C1QTNF7: variants seen among roughly 807,000 people sequenced by gnomAD.
The protein encoded by C1QTNF7 is C1q and TNF related 7.
C1QTNF7 carries 15 observed loss-of-function variants against 19.6 expected under a neutral mutation model. The observed-to-expected ratio is 0.76, with a 90% CI of 0.51 to 1.18. The LOEUF (loss-of-function observed/expected upper bound fraction) is 1.18, where lower values mean the gene tolerates loss of function less well. Ranked by LOEUF, C1QTNF7 falls within the 50% of genes most tolerant of loss-of-function variation. The pLI is 0.00. For missense variants in C1QTNF7, 324 were observed against 359.7 expected, an observed-to-expected ratio of 0.90 and a Z score of 0.80; for synonymous variants, 142 against 137.5, an observed-to-expected ratio of 1.03 and a Z score of -0.23.
At chr4:15,390,587 T>C (rs1222135261) in intron 1 of C1QTNF7, among the ~76,000 whole-genome samples, 1 of 152,164 alleles carries the variant, frequency 6.6e-6, no homozygotes, top group African/African-American at 2.4e-5. Context: ...TCTTCAAGAT[T>C]AGGTGGTAAG....
intron 1 of C1QTNF7, among the ~76,000 whole-genome samples, chr4:15,366,195 G>A (rs1717516735): frequency 6.6e-6 from 1 of 152,118 alleles, no homozygotes; most frequent in Non-Finnish European, 1.5e-5. Context: ...AGACTTTTCT[G>A]GTTTTAGCAC....
At chr4:15,423,865 C>G (rs951968035), upstream of C1QTNF7, among the ~76,000 whole-genome samples, 3 of 152,170 alleles carry the variant, frequency 2.0e-5, no homozygotes, top group Non-Finnish European at 4.4e-5. Context: ...GGCAAGTTCT[C>G]TCTTATTTAG....
intron 1 of C1QTNF7, among the ~76,000 whole-genome samples, chr4:15,430,838 G>A (rs1316163192): frequency 1.3e-5 from 2 of 152,098 alleles, no homozygotes; most frequent in East Asian, 1.9e-4. Flanking sequence ...ATTTTTAAAT[G>A]TGAAAAAATG....
rs145375285 is a variant in C1QTNF7, at chr4:15,442,578, C to T, written c.649C>T (p.Arg217Trp). 18 of 1,614,010 alleles carry T rather than the reference C, an allele frequency of 1.1e-5. No homozygotes were observed. Among genetic ancestry groups the T allele is most frequent in the Middle Eastern group, 3.3e-4 (2 of 6,084 alleles). Residue 217 changes from arginine to tryptophan, a missense_variant, in exon 3 of 3, where the codon CGG becomes TGG. Physicochemically the swap from Arg to Trp is moderately radical, Grantham distance 101. Coordinates refer to ENST00000444304, the MANE Select transcript of C1QTNF7 (RefSeq NM_031911.5). ...AIGLVHNGQY[R>W]IKTFDANTGN... ...CGGACTGGTACACAATGGGCAATACCGGATAAAGACCTTCGACGCCAACAC... is the reference window on the plus strand; with the variant it reads ...CGGACTGGTACACAATGGGCAATACTGGATAAAGACCTTCGACGCCAACAC...
At chr4:15,355,673 C>T (rs1020386130) in intron 1 of C1QTNF7, among the ~76,000 whole-genome samples, 1 of 152,066 alleles carries the variant, frequency 6.6e-6, no homozygotes, top group African/African-American at 2.4e-5. Flanking sequence ...GCCCACCAAT[C>T]AGAAAGAGGC....
intron 1 of C1QTNF7, among the ~76,000 whole-genome samples, chr4:15,421,074 C>A (rs531733740): frequency 1.3e-4 from 19 of 151,828 alleles, no homozygotes; most frequent in Admixed American, 4.6e-4. Context: ...ACCCTCCCCA[C>A]AAAATGCCTC....
In C1QTNF7 at chr4:15,348,154, C is replaced by A. The variant is rs1472394011; in HGVS notation, c.13+7947C>A. Among the ~76,000 whole-genome samples the A allele has an allele frequency of 4.6e-5, 7 of 152,122 alleles. No homozygotes were observed. In the East Asian group the frequency reaches 1.3e-3, roughly 29 times the overall value. On this transcript the variant is annotated intron_variant, in intron 1 of 2. Coordinates refer to the C1QTNF7 transcript ENST00000295297. ...CTCTTTGCTATGGGGGATTTCCTCTCCCTGGACAAATTGATATCCAGTGGG... is the reference window on the plus strand; with the variant it reads ...CTCTTTGCTATGGGGGATTTCCTCTACCTGGACAAATTGATATCCAGTGGG...
rs558202432 is a variant in C1QTNF7, at chr4:15,349,407, C to T, written c.13+9200C>T. Among the ~76,000 whole-genome samples, 6 of 152,148 alleles carry T rather than the reference C, an allele frequency of 3.9e-5. No individual in the cohort carries two copies. The East Asian group carries it at 5.8e-4, about 15-fold the overall frequency. The stretch of plus-strand genomic sequence containing the variant: ...TAACCGAAGGGCCTAGCACAGTGCC[C>T]GGGATATAGTAGAAACTGCATAAAT... On this transcript the variant is annotated intron_variant, in intron 1 of 2. Transcript: ENST00000295297.
At chr4:15,418,101 C>T (rs992073326) in intron 1 of C1QTNF7, among the ~76,000 whole-genome samples, 10 of 152,110 alleles carry the variant, frequency 6.6e-5, no homozygotes, top group African/African-American at 2.2e-4. Context: ...CTACATCTTA[C>T]CCATCAGCTC....
Position 15,367,502 on chromosome 4 carries a change from C to T in C1QTNF7, c.13+27295C>T, listed in dbSNP as rs145096103. Among the ~76,000 whole-genome samples, 448 of 152,248 alleles carry T rather than the reference C, an allele frequency of 2.9e-3. 2 individuals are homozygous for T. Among genetic ancestry groups the T allele is most frequent in the African/African-American group, 0.01 (428 of 41,530 alleles). On this transcript the variant is annotated intron_variant, in intron 1 of 2. Coordinates refer to the C1QTNF7 transcript ENST00000295297. ...AAGTTGACTTTTTAAATTAGACATA[C>T]TGAGTTGATGCAGCCGATGCAGCTC... is the stretch of plus-strand genomic sequence containing the variant.
intron 1 of C1QTNF7, among the ~76,000 whole-genome samples, chr4:15,341,359 T>A (rs1201642664): frequency 6.6e-6 from 1 of 152,208 alleles, no homozygotes. Context: ...CTTCTTGCTA[T>A]ACCAGTTCTT....
At chr4:15,341,970 C>T (rs1301123014) in intron 1 of C1QTNF7, among the ~76,000 whole-genome samples, 4 of 152,230 alleles carry the variant, frequency 2.6e-5, no homozygotes, top group African/African-American at 9.6e-5. Context: ...TCAGGCCCGC[C>T]AGGCCCCACC....
intron 1 of C1QTNF7, among the ~76,000 whole-genome samples, chr4:15,343,696 G>T (rs1472825228): frequency 5.3e-5 from 8 of 152,156 alleles, no homozygotes; most frequent in Non-Finnish European, 1.2e-4. Flanking sequence ...GAATATAAGA[G>T]AATTCACAGT....
chr4:15,396,966 A>T (rs568971142), intron 1 of C1QTNF7, among the ~76,000 whole-genome samples: 1 of 152,226 alleles, frequency 6.6e-6, no homozygotes, highest in Non-Finnish European at 1.5e-5. Flanking sequence ...GGTTTAATAC[A>T]GTTCTACGTG....
intron 1 of C1QTNF7, among the ~76,000 whole-genome samples, chr4:15,356,647 G>A (rs1717155924): frequency 6.6e-6 from 1 of 152,120 alleles, no homozygotes; most frequent in Non-Finnish European, 1.5e-5. Context: ...TGGTATTTCT[G>A]GTTCTAGATC....
intron 1 of C1QTNF7, among the ~76,000 whole-genome samples, chr4:15,378,362 C>T (rs1044526344): frequency 6.6e-6 from 1 of 152,164 alleles, no homozygotes; most frequent in East Asian, 1.9e-4. Flanking sequence ...GCTCAGAAAA[C>T]TCTGCTTTGG....
At chr4:15,342,975 T>A (rs1018867311) in intron 1 of C1QTNF7, among the ~76,000 whole-genome samples, 1 of 152,178 alleles carries the variant, frequency 6.6e-6, no homozygotes, top group Non-Finnish European at 1.5e-5. Flanking sequence ...AAGATAGTAA[T>A]CACATCTATC....
intron 1 of C1QTNF7, among the ~76,000 whole-genome samples, chr4:15,411,404 A>G (rs1240286483): frequency 1.3e-5 from 2 of 152,156 alleles, no homozygotes; most frequent in African/African-American, 4.8e-5. Context: ...AGAAACTATG[A>G]ACCTAGAGAG....
chr4:15,433,085 C>T (rs1051637344), intron 1 of C1QTNF7, among the ~76,000 whole-genome samples: 2 of 152,324 alleles, frequency 1.3e-5, no homozygotes, highest in African/African-American at 4.8e-5. Context: ...AACTTCTCTG[C>T]AGTTGCTTTC....
Sources: gnomAD v4.1 joint callset for allele counts (sites outside exome capture counted in the v4.1 genomes callset) on GRCh38, gnomAD v4.1.1 for gene constraint, MANE v1.5 for transcripts, NCBI Gene and HGNC (gene_info 2026-07-23, HGNC 2026-07-21) for gene names.